The following TET3 variants were observed in gnomAD, a reference collection of about 807,000 sequenced individuals.
TET3 encodes the protein tet methylcytosine dioxygenase 3.
TET3 carries 19 observed loss-of-function variants against 141.4 expected under a neutral mutation model. That is an observed-to-expected ratio of 0.13 (90% CI 0.09 to 0.20). The LOEUF (loss-of-function observed/expected upper bound fraction) is 0.20, where lower values mean the gene tolerates loss of function less well. Among genes scored for constraint, TET3 ranks in the 10% least tolerant of loss-of-function variants. The pLI is 1.00. For synonymous variants in TET3, 1,043 were observed against 980.9 expected (o/e 1.06, Z -1.18); for missense variants, 1,874 against 2,356.9 (o/e 0.80, Z 4.24).
intron 6 of TET3, among the ~76,000 whole-genome samples, chr2:74,081,343 C>T (rs777113622): frequency 2.0e-5 from 3 of 152,216 alleles, no homozygotes; most frequent in South Asian, 2.1e-4. Flanking sequence ...CTCAGCCTCG[C>T]GCTGTGCTGG....
intron 2 of TET3, chr2:73,993,419 C>G (rs762578601): frequency 1.1e-4 from 17 of 152,230 alleles, no homozygotes; most frequent in Non-Finnish European, 2.5e-4. Flanking sequence ...TGCACTTTAA[C>G]CAGATCCCCA....
At chr2:74,128,570 G>C in the TET3 span, among the ~76,000 whole-genome samples, 1 of 151,988 alleles carries the variant, frequency 6.6e-6, no homozygotes, top group Non-Finnish European at 1.5e-5. Context: ...CCATACTAAC[G>C]TAAGATGTGA....
Position 74,047,948 on chromosome 2 carries a change from G to A in TET3, c.2031G>A (p.Leu677=). 6.2e-7 allele frequency: 1 copy of A among 1,613,382 alleles called. No individual in the cohort carries two copies. The highest frequency in any genetic ancestry group is 8.5e-7 in the Non-Finnish European group (1 of 1,179,694). ...CTAGTCCCTCCAGGGACAGCCTGCTGCCCCCTACTCAGGAAATGAGGTCCC... is the reference window on the plus strand; with the variant it reads ...CTAGTCCCTCCAGGGACAGCCTGCTACCCCCTACTCAGGAAATGAGGTCCC... The part of the protein sequence containing the change: ...FAPSPSRDSL[L]PPTQEMRSPS... Residue 677 remains leucine (L), a synonymous_variant, in exon 4 of 12, where the codon CTG becomes CTA. Transcript: ENST00000409262.
chr2:74,096,367 G>A (rs925341472), intron 10 of TET3, among the ~76,000 whole-genome samples: 2 of 152,202 alleles, frequency 1.3e-5, no homozygotes, highest in Non-Finnish European at 2.9e-5. Flanking sequence ...GGTTAATAAA[G>A]TTAGTGCCAT....
chr2:74,068,803 T>C (rs1689043889), intron 4 of TET3, among the ~76,000 whole-genome samples: 1 of 152,268 alleles, frequency 6.6e-6, no homozygotes, highest in Non-Finnish European at 1.5e-5. Flanking sequence ...TGTAGCTTTA[T>C]GCGTGTTTGA....
At position 74,087,957 on chromosome 2, in the gene TET3, G is replaced by A. The variant is rs1690252769; in HGVS notation, c.2807G>A (p.Gly936Glu). The A allele has an allele frequency of 6.4e-7, 1 of 1,555,904 alleles. No homozygotes were observed. The highest frequency in any genetic ancestry group is 8.7e-7 in the Non-Finnish European group (1 of 1,149,614). Residue 936 changes from glycine to glutamate, a missense_variant, in exon 7 of 12, where the codon GGA (glycine) becomes GAA (glutamate). Transcript: ENST00000409262. The surrounding 1 kb of genome is among the most constrained non-coding windows in gnomAD (Gnocchi z 4.3). ...TGGGAGGGCATTCCCCGTAGCCTCG[G>A]AGACACCCTCTACCAGGAGCTCACC... ...LAWEGIPRSL[G>E]DTLYQELTDT...
At chr2:74,120,366 T>C in the TET3 span, among the ~76,000 whole-genome samples, 939 of 152,342 alleles carry the variant, frequency 6.2e-3, 5 homozygotes, top group Middle Eastern at 0.01. Flanking sequence ...TCCGGAGAGA[T>C]GGCGGGCGAC....
chr2:74,059,264 T>C (rs537044733), intron 4 of TET3, among the ~76,000 whole-genome samples: 1 of 152,364 alleles, frequency 6.6e-6, no homozygotes, highest in Non-Finnish European at 1.5e-5. Context: ...TTTTTATTTA[T>C]TTTTTTGAGA....
intron 3 of TET3, among the ~76,000 whole-genome samples, chr2:74,037,283 A>G (rs1687121382): frequency 6.6e-6 from 1 of 152,258 alleles, no homozygotes; most frequent in Admixed American, 6.5e-5. Flanking sequence ...CTCTTAAGAA[A>G]TGAATAATTG....
chr2:74,056,475 A>G (rs1423126425), intron 4 of TET3, among the ~76,000 whole-genome samples: 2 of 152,204 alleles, frequency 1.3e-5, no homozygotes, highest in Admixed American at 6.5e-5. Flanking sequence ...GCACTTTCTC[A>G]AAAATTGGAT....
At chr2:74,130,387 C>T in the TET3 span, among the ~76,000 whole-genome samples, 1 of 152,176 alleles carries the variant, frequency 6.6e-6, no homozygotes, top group Non-Finnish European at 1.5e-5. Context: ...CATAGCCCGA[C>T]CAGCAATATT....
chr2:74,118,344 T>C, the TET3 span, among the ~76,000 whole-genome samples: 4 of 152,184 alleles, frequency 2.6e-5, no homozygotes, highest in African/African-American at 4.8e-5. Flanking sequence ...GTACCATGGA[T>C]TGAGGTCTGC....
chr2:74,016,413 A>G (rs1243844816), intron 3 of TET3, among the ~76,000 whole-genome samples: 1 of 152,140 alleles, frequency 6.6e-6, no homozygotes, highest in Non-Finnish European at 1.5e-5. Flanking sequence ...TACATGCATT[A>G]TGATAAACAT....
chr2:74,119,275 C>G, the TET3 span, among the ~76,000 whole-genome samples: 1 of 151,446 alleles, frequency 6.6e-6, no homozygotes, highest in Non-Finnish European at 1.5e-5. Context: ...ATTGCTTGAA[C>G]CGGGGAGGCG....
chr2:74,034,914 C>T (rs976080490), intron 3 of TET3, among the ~76,000 whole-genome samples: 9 of 151,744 alleles, frequency 5.9e-5, no homozygotes, highest in Admixed American at 4.6e-4. Context: ...TGTTGAGGGC[C>T]GGGCGCAGTG....
downstream of TET3, among the ~76,000 whole-genome samples, chr2:74,108,396 G>A (rs775134085): frequency 8.5e-5 from 13 of 152,320 alleles, no homozygotes; most frequent in East Asian, 1.9e-4. Flanking sequence ...AGAAAATAGA[G>A]ATGGCCTTTT....
chr2:74,132,063 G>C, the TET3 span, among the ~76,000 whole-genome samples: 1 of 152,146 alleles, frequency 6.6e-6, no homozygotes, highest in Non-Finnish European at 1.5e-5. Flanking sequence ...TAGGCGGCTT[G>C]GCCCACAAAG....
the TET3 span, among the ~76,000 whole-genome samples, chr2:74,124,244 G>T: frequency 7.2e-6 from 1 of 139,332 alleles, no homozygotes; most frequent in Non-Finnish European, 1.6e-5. Context: ...CCAGCCAGCC[G>T]CCCCGTCCGG....
rs1293120457 is a variant in TET3 at position 74,087,800 on chromosome 2, T to G, written c.2680-30T>G. 6.5e-7 allele frequency: 1 copy of G among 1,527,360 alleles called. No homozygotes were observed. The highest frequency in any genetic ancestry group is 1.4e-5 in the African/African-American group (1 of 72,760). 94.6% of individuals were successfully genotyped at this position (1,527,360 alleles called of 1,614,324 possible). A position where few individuals can be genotyped will look rare whatever the true frequency, so the allele number is the denominator to read the frequency against. On this transcript the variant is annotated intron_variant, in intron 6 of 11. Coordinates refer to ENST00000409262, the MANE Select transcript of TET3 (RefSeq NM_001287491.2). This position sits in a 1 kb window ranked among gnomAD's most constrained non-coding sequence, Gnocchi z 4.3. ...ATGCAGAGGAGCACGGGTACCTGGC[T>G]CCTGCCCCTCACACCCTGCGTCCCT...
Sources: allele counts gnomAD v4.1 joint callset (sites outside exome capture counted in the v4.1 genomes callset), GRCh38; gene constraint gnomAD v4.1.1; non-coding constraint Gnocchi (gnomAD v3.1); transcripts MANE v1.5; gene names NCBI Gene and HGNC (gene_info 2026-07-23, HGNC 2026-07-21).